Variants in CWC25 observed in about 807,000 individuals in gnomAD.
CWC25 encodes pre-mRNA-splicing factor CWC25 homolog.
CWC25 carries 31 observed loss-of-function variants against 54.6 expected under a neutral mutation model. The observed-to-expected ratio is 0.57, with a 90% CI of 0.43 to 0.77. The LOEUF is 0.77. Among genes scored for constraint, CWC25 ranks in the 30% least tolerant of loss-of-function variants. The probability of loss-of-function intolerance (pLI) is 0.00; values close to 1 mark genes in which losing one functional copy is unlikely to be tolerated. For missense variants in CWC25, 453 were observed against 529.3 expected, an observed-to-expected ratio of 0.86 and a Z score of 1.41; for synonymous variants, 151 against 187.0, an observed-to-expected ratio of 0.81 and a Z score of 1.57.
rs140889633 is a variant in CWC25, at chr17:38,801,818, C to G, written c.*274G>C. 284 of 321,190 alleles carry G rather than the reference C, an allele frequency of 8.8e-4. 2 individuals are homozygous for G. The East Asian group carries it at 0.013, about 14-fold the overall frequency. 19.9% of individuals were successfully genotyped at this position (321,190 alleles called of 1,614,324 possible). On this transcript the variant is annotated 3_prime_UTR_variant, in exon 10 of 10. Coordinates refer to ENST00000614790, the MANE Select transcript of CWC25 (RefSeq NM_017748.5). ...TGATAAACATCACAACCCCAGGGAA[C>G]AGCCTTCCAGAGTGGCACAAGCACT...
chr17:38,801,820 G>C lies in CWC25; in HGVS notation c.*272C>G. 3.0e-6 allele frequency: 1 copy of C among 331,816 alleles called. No individual in the cohort carries two copies. The allele number at this position is 331,816 out of a possible 1,614,324, so 20.6% of individuals were successfully genotyped here. ...ATAAACATCACAACCCCAGGGAACA[G>C]CCTTCCAGAGTGGCACAAGCACTCC... On this transcript the variant is annotated 3_prime_UTR_variant, in exon 10 of 10. Coordinates refer to ENST00000614790, the MANE Select transcript of CWC25 (RefSeq NM_017748.5).
chr17:38,808,342 A>G (rs1165038727), intron 6 of CWC25, among the ~76,000 whole-genome samples: 1 of 137,896 alleles, frequency 7.3e-6, no homozygotes, highest in African/African-American at 2.6e-5. Flanking sequence ...AGATCGCACC[A>G]TTGCACTCCA....
intron 6 of CWC25, among the ~76,000 whole-genome samples, chr17:38,807,327 A>G (rs1345769858): frequency 7.2e-6 from 1 of 138,262 alleles, no homozygotes; most frequent in Non-Finnish European, 1.6e-5. Flanking sequence ...CGTCTCAAAA[A>G]AAAAAAAAAA....
In CWC25 at chr17:38,809,726, G is replaced by A. The variant is rs573938161; in HGVS notation, c.666C>T (p.Ser222=). The change falls in exon 6 of 10, where the codon TCC becomes TCT. Residue 222 remains serine, a synonymous_variant. Coordinates refer to ENST00000614790, the MANE Select transcript of CWC25 (RefSeq NM_017748.5). ...CCTGTAAGCCATATCCAGGGACTTT[G>A]GACAAAACAGGGGAGGAATTTGCCA... The part of the protein sequence containing the change: ...KKMANSSPVL[S]KVPGYGLQVR... 5.6e-6 allele frequency: 9 copies of A among 1,613,648 alleles called. No individual in the cohort carries two copies. The South Asian group carries it at 7.7e-5, about 14-fold the overall frequency.
chr17:38,810,331 C>T (rs1183114023), intron 5 of CWC25, 137 bp downstream of exon 5: 1 of 885,934 alleles, frequency 1.1e-6, no homozygotes, highest in Admixed American at 3.1e-5. Flanking sequence ...GGGCACTGGG[C>T]CCATGTTCAA....
At chr17:38,810,983 A>G (rs1360435427) in intron 4 of CWC25, among the ~76,000 whole-genome samples, 3 of 149,162 alleles carry the variant, frequency 2.0e-5, no homozygotes, top group Admixed American at 1.4e-4. Context: ...GTAATCTCTC[A>G]GCACTTTGAG....
Position 38,815,011 on chromosome 17 carries a change from T to G in CWC25, c.278A>C (p.Asp93Ala). 6.2e-7 allele frequency: 1 copy of G among 1,613,898 alleles called. No individual in the cohort carries two copies. The highest frequency in any genetic ancestry group is 8.5e-7 in the Non-Finnish European group (1 of 1,179,898). ...CTCCATCTTCTCAAAAACATATTTG[T>G]CAATGGGGCGCCCCAGCAGGTACTC... ...RDEYLLGRPI[D>A]KYVFEKMEEK... The change falls in exon 3 of 10, where the codon GAC becomes GCC. Residue 93 changes from aspartate to alanine, a missense_variant. Asp to Ala is a moderately radical substitution (Grantham distance 126, BLOSUM62 -2). Around this residue, in one of 2 missense-constraint regions of CWC25, gnomAD observed 444 missense variants for 499.2 expected, o/e 0.89. Transcript: ENST00000614790.
At chr17:38,817,678 T>C (rs887965929) in intron 2 of CWC25, among the ~76,000 whole-genome samples, 1 of 151,956 alleles carries the variant, frequency 6.6e-6, no homozygotes, top group African/African-American at 2.4e-5. Context: ...TCCCAGCTAC[T>C]CGGGAGGCTG....
At chr17:38,821,690 T>C (rs541325287) in intron 1 of CWC25, among the ~76,000 whole-genome samples, 2 of 152,164 alleles carry the variant, frequency 1.3e-5, no homozygotes, top group African/African-American at 2.4e-5. Flanking sequence ...GAGTTGGTGA[T>C]GACAAGACAG....
intron 2 of CWC25, 92 bp from the exon 3 acceptor site, chr17:38,815,189 C>A (rs1911648924): frequency 3.6e-6 from 4 of 1,118,556 alleles, no homozygotes; most frequent in Non-Finnish European, 1.3e-6. Context: ...GGAGAGAGAA[C>A]CACAGCTAAT....
rs1471475524 is a variant in CWC25, at chr17:38,816,760, C to T, written c.192-1663G>A. On this transcript the variant is annotated intron_variant, in intron 2 of 9. Coordinates refer to ENST00000614790, the MANE Select transcript of CWC25 (RefSeq NM_017748.5). ...AGTGCAGTGGAGCGATCTTGGCTCA[C>T]GGCAACCTCTGCCTCCCAGGTTCAA... is the stretch of plus-strand genomic sequence containing the variant. 3.3e-5 allele frequency among the ~76,000 whole-genome samples: 5 copies of T among 151,330 alleles called. No homozygotes were observed. In the East Asian group the frequency reaches 7.9e-4, roughly 24 times the overall value.
chr17:38,810,920 C>CAAA (rs71352314), intron 4 of CWC25, among the ~76,000 whole-genome samples: 2,010 of 70,998 alleles, frequency 0.028, 122 homozygotes, highest in Non-Finnish European at 0.034. Context: ...AACTGTGTCT[C>CAAA]AAAAAAAAAA....
intron 2 of CWC25, among the ~76,000 whole-genome samples, chr17:38,816,742 T>C (rs1449007370): frequency 6.6e-6 from 1 of 151,356 alleles, no homozygotes; most frequent in Non-Finnish European, 1.5e-5. Context: ...TGGAGTGCAG[T>C]GGAGCGATCT....
At chr17:38,805,678 G>C (rs936876284) in intron 8 of CWC25, among the ~76,000 whole-genome samples, 1 of 152,100 alleles carries the variant, frequency 6.6e-6, no homozygotes, top group South Asian at 2.1e-4. Context: ...TGTCGCCCAA[G>C]CAAGAATGCA....
chr17:38,814,254 T>C (rs915002085), intron 3 of CWC25, among the ~76,000 whole-genome samples: 1 of 151,900 alleles, frequency 6.6e-6, no homozygotes, highest in Non-Finnish European at 1.5e-5. Flanking sequence ...ACACTTTGAC[T>C]GTATTTATTT....
At chr17:38,814,668 C>T (rs1445068695) in intron 3 of CWC25, among the ~76,000 whole-genome samples, 193 bp downstream of exon 3, 1 of 147,100 alleles carries the variant, frequency 6.8e-6, no homozygotes, top group African/African-American at 2.6e-5. Flanking sequence ...ATGGCGTGAA[C>T]CCGGCAGACA....
intron 1 of CWC25, among the ~76,000 whole-genome samples, chr17:38,823,654 T>C (rs1360601657): frequency 1.3e-5 from 2 of 152,134 alleles, no homozygotes; most frequent in African/African-American, 2.4e-5. Context: ...AGTTGGTTGG[T>C]TGTGGGTCAG....
intron 8 of CWC25, among the ~76,000 whole-genome samples, chr17:38,803,527 G>A (rs1172555537): frequency 6.6e-6 from 1 of 152,156 alleles, no homozygotes; most frequent in African/African-American, 2.4e-5. Flanking sequence ...CTACTTGGGA[G>A]GCTGAGGCAG....
intron 2 of CWC25, among the ~76,000 whole-genome samples, chr17:38,820,491 C>T (rs1567675945): frequency 6.6e-6 from 1 of 152,086 alleles, no homozygotes; most frequent in African/African-American, 2.4e-5. Flanking sequence ...CTCCCTGCCC[C>T]CTGTCCCCGC....
Sources: gnomAD v4.1 joint callset for allele counts (sites outside exome capture counted in the v4.1 genomes callset) on GRCh38, gnomAD v4.1.1 for gene constraint, gnomAD v4.1.1 regional missense constraint, MANE v1.5 for transcripts, NCBI Gene and HGNC (gene_info 2026-07-23, HGNC 2026-07-21) for gene names.